Variants in BMPR1B observed in about 807,000 individuals in gnomAD.
The protein encoded by BMPR1B is bone morphogenetic protein receptor type-1B.
Under a neutral mutation model 59.1 loss-of-function variants are expected in BMPR1B, and 12 were observed. The observed-to-expected ratio is 0.20, with a 90% CI of 0.13 to 0.33. The LOEUF (loss-of-function observed/expected upper bound fraction) is 0.33, where lower values mean the gene tolerates loss of function less well. Ranked by LOEUF, BMPR1B falls within the 10% of genes least tolerant of loss-of-function variation. The probability of loss-of-function intolerance (pLI) is 1.00; values close to 1 mark genes in which losing one functional copy is unlikely to be tolerated. For missense variants in BMPR1B, 550 were observed against 610.9 expected (o/e 0.90, Z 1.05); for synonymous variants, 237 against 207.3 (o/e 1.14, Z -1.23).
At chr4:94,846,711 C>T (rs943625679) in intron 1 of BMPR1B, among the ~76,000 whole-genome samples, 1 of 147,226 alleles carries the variant, frequency 6.8e-6, no homozygotes, top group Non-Finnish European at 1.5e-5. Context: ...ATATATGTAT[C>T]TATATATCTA....
intron 3 of BMPR1B, among the ~76,000 whole-genome samples, chr4:95,020,667 G>A (rs1723918046): frequency 1.3e-5 from 2 of 151,440 alleles, no homozygotes; most frequent in East Asian, 1.9e-4. Flanking sequence ...AAATGGTGCC[G>A]TCTACTGGTG....
rs1303785017 is a variant in BMPR1B at position 95,129,929 on chromosome 4, T to A, written c.653T>A (p.Val218Asp). The part of the protein sequence containing the change: ...KQIGKGRYGE[V>D]WMGKWRGEKV... ...ATTGGAAAAGGTCGCTATGGGGAAGTTTGGATGGGAAAGTGGCGTGGCGAA... is the reference window on the plus strand; with the variant it reads ...ATTGGAAAAGGTCGCTATGGGGAAGATTGGATGGGAAAGTGGCGTGGCGAA... Residue 218 changes from valine (V) to aspartate (D), a missense_variant, in exon 9 of 13, where the codon GTT becomes GAT. By Grantham distance (152) the Val-to-Asp change is radical (BLOSUM62 -3). This residue lies in a region of BMPR1B where 318 missense variants were observed against 284.6 expected (regional missense o/e 1.12). Transcript: ENST00000515059. 6.2e-7 allele frequency: 1 copy of A among 1,613,692 alleles called. No individual in the cohort carries two copies. The highest frequency in any genetic ancestry group is 8.5e-7 in the Non-Finnish European group (1 of 1,179,822).
intron 2 of BMPR1B, among the ~76,000 whole-genome samples, chr4:94,937,268 C>G (rs921391384): frequency 4.6e-5 from 7 of 152,080 alleles, no homozygotes; most frequent in African/African-American, 1.7e-4. Context: ...TGACCTGTAT[C>G]TTTTTTCTGT....
At chr4:94,912,637 C>G (rs919385714) in intron 2 of BMPR1B, among the ~76,000 whole-genome samples, 1 of 152,114 alleles carries the variant, frequency 6.6e-6, no homozygotes, top group African/African-American at 2.4e-5. Flanking sequence ...AACAACAGTT[C>G]AGCTCTATAG....
intron 1 of BMPR1B, among the ~76,000 whole-genome samples, chr4:94,805,198 G>GAA (rs1245473717): frequency 1.3e-5 from 2 of 152,154 alleles, no homozygotes; most frequent in African/African-American, 2.4e-5. Context: ...GGCCAGAGAA[G>GAA]TTAAATAACA....
intron 2 of BMPR1B, among the ~76,000 whole-genome samples, chr4:94,878,503 T>G (rs2148976125): frequency 6.6e-6 from 1 of 152,342 alleles, no homozygotes; most frequent in East Asian, 1.9e-4. Flanking sequence ...AGGACTTTCT[T>G]GTTACACTGG....
intron 2 of BMPR1B, among the ~76,000 whole-genome samples, chr4:94,915,843 C>T (rs1728463044): frequency 6.6e-6 from 1 of 152,112 alleles, no homozygotes; most frequent in Non-Finnish European, 1.5e-5. Flanking sequence ...GGAGGCTGGG[C>T]CTAGTGGGAG....
chr4:94,810,976 C>T (rs4235437), intron 1 of BMPR1B, among the ~76,000 whole-genome samples: 108,373 of 151,650 alleles, frequency 0.71, 38,949 homozygotes, highest in African/African-American at 0.81. Context: ...TTATAAGTTA[C>T]GACGTTTATT....
chr4:95,088,091 A>AT (rs1729723588), intron 3 of BMPR1B, among the ~76,000 whole-genome samples: 1 of 152,104 alleles, frequency 6.6e-6, no homozygotes, highest in African/African-American at 2.4e-5. Flanking sequence ...ACATTCACAG[A>AT]TTTTTCTTTT....
intron 2 of BMPR1B, among the ~76,000 whole-genome samples, chr4:94,975,055 A>T (rs1730965279): frequency 6.6e-6 from 1 of 152,202 alleles, no homozygotes; most frequent in Non-Finnish European, 1.5e-5. Flanking sequence ...CAAGGACGAA[A>T]CTTCCAGTTT....
chr4:95,073,634 C>T (rs1297927445), intron 3 of BMPR1B, among the ~76,000 whole-genome samples: 1 of 152,006 alleles, frequency 6.6e-6, no homozygotes, highest in Non-Finnish European at 1.5e-5. Flanking sequence ...TGGATAACTT[C>T]TTCTTAAGGA....
chr4:94,866,765 G>A (rs1320480306), intron 1 of BMPR1B, among the ~76,000 whole-genome samples: 2 of 152,046 alleles, frequency 1.3e-5, no homozygotes, highest in Non-Finnish European at 2.9e-5. Flanking sequence ...TGTGTTTTTA[G>A]TAGAGATGGG....
chr4:94,780,957 G>A (rs1722567182), intron 1 of BMPR1B, among the ~76,000 whole-genome samples: 1 of 151,936 alleles, frequency 6.6e-6, no homozygotes, highest in Admixed American at 6.6e-5. Flanking sequence ...CAAAGTTCTG[G>A]GATTACAGGT....
chr4:94,961,845 G>A (rs1027086314), intron 2 of BMPR1B, among the ~76,000 whole-genome samples: 3 of 152,028 alleles, frequency 2.0e-5, no homozygotes, highest in Admixed American at 6.6e-5. Context: ...AAATATTTAT[G>A]GGAGTACATG....
intron 10 of BMPR1B, among the ~76,000 whole-genome samples, chr4:95,147,776 A>G (rs911441602): frequency 1.3e-5 from 2 of 152,180 alleles, no homozygotes; most frequent in Admixed American, 1.3e-4. Context: ...TTAAGTATCT[A>G]ATATGTGCCT....
At chr4:94,810,742 G>A (rs1723779711) in intron 1 of BMPR1B, among the ~76,000 whole-genome samples, 2 of 152,324 alleles carry the variant, frequency 1.3e-5, no homozygotes, top group Non-Finnish European at 2.9e-5. Flanking sequence ...AATAAGCCAA[G>A]TATAAAATCC....
chr4:95,004,856 C>A (rs1300137711), intron 3 of BMPR1B, among the ~76,000 whole-genome samples: 1 of 152,062 alleles, frequency 6.6e-6, no homozygotes. Context: ...ATTCGCAGTT[C>A]TTTGAATGTG....
At chr4:94,976,405 T>C (rs1231199295) in intron 2 of BMPR1B, among the ~76,000 whole-genome samples, 2 of 152,150 alleles carry the variant, frequency 1.3e-5, no homozygotes, top group African/African-American at 4.8e-5. Flanking sequence ...AGAAACAACA[T>C]GTGGAATGGG....
At chr4:94,946,988 G>A (rs1479462665) in intron 2 of BMPR1B, among the ~76,000 whole-genome samples, 1 of 152,102 alleles carries the variant, frequency 6.6e-6, no homozygotes, top group Non-Finnish European at 1.5e-5. Flanking sequence ...GGAGGCAGAG[G>A]TTGCAGCGAG....
Sources: allele counts gnomAD v4.1 joint callset (sites outside exome capture counted in the v4.1 genomes callset), GRCh38; gene constraint gnomAD v4.1.1; regional missense constraint gnomAD v4.1.1; transcripts MANE v1.5; gene names NCBI Gene and HGNC (gene_info 2026-07-23, HGNC 2026-07-21).